FNDC3B: variants seen among roughly 807,000 people sequenced by gnomAD.
The protein encoded by FNDC3B is fibronectin type III domain containing 3B, also known as fibronectin type III domain-containing protein 3B.
A neutral mutation model predicts 151.5 loss-of-function variants in FNDC3B; 12 were observed. The ratio of observed to expected loss-of-function variants is 0.08; its 90% CI spans 0.05 to 0.13. The LOEUF (loss-of-function observed/expected upper bound fraction) is 0.13. Ranked by LOEUF, FNDC3B falls within the 10% of genes least tolerant of loss-of-function variation. The probability of loss-of-function intolerance (pLI) is 1.00; values close to 1 mark genes in which losing one functional copy is unlikely to be tolerated. For missense variants in FNDC3B, 1,214 were observed against 1,505.3 expected (o/e 0.81, Z 3.20); for synonymous variants, 528 against 549.0 (o/e 0.96, Z 0.54).
intron 6 of FNDC3B, among the ~76,000 whole-genome samples, chr3:172,264,877 CTTTAATAA>C (rs1728841182): frequency 6.6e-6 from 1 of 152,190 alleles, no homozygotes; most frequent in Admixed American, 6.5e-5. Context: ...AACTGCCCTT[CTTTAATAA>C]GGGTGCATGG....
At position 172,352,626 on chromosome 3, in the gene FNDC3B, G is replaced by A. The variant is rs988576512; in HGVS notation, c.2515-177G>A. Among the ~76,000 whole-genome samples, 15 of 152,214 alleles carry A rather than the reference G, an allele frequency of 9.9e-5. 1 individual carries two copies. The highest frequency in any genetic ancestry group is 1.6e-4 in the Non-Finnish European group (11 of 68,040). ...ATTTTGCTTTAATAATGGAAAAAAT[G>A]TGGTTAGCATTCTTTGGAAGGTGGT... On this transcript the variant is annotated intron_variant, in intron 21 of 25. Coordinates refer to ENST00000415807, the MANE Select transcript of FNDC3B (RefSeq NM_022763.4). The surrounding 1 kb of genome is among the most constrained non-coding windows in gnomAD (Gnocchi z 4.2).
At chr3:172,214,872 C>T (rs555511820) in intron 3 of FNDC3B, among the ~76,000 whole-genome samples, 2 of 152,314 alleles carry the variant, frequency 1.3e-5, no homozygotes, top group Admixed American at 1.3e-4. Flanking sequence ...ATGGAAGAGC[C>T]AACCCTGAGA....
chr3:172,079,568 T>C (rs1718181399), intron 1 of FNDC3B, among the ~76,000 whole-genome samples: 1 of 152,242 alleles, frequency 6.6e-6, no homozygotes, highest in Non-Finnish European at 1.5e-5. Flanking sequence ...CTGGCTGTTG[T>C]TGAGGTCTTA....
chr3:172,270,471 A>G (rs936157120), intron 6 of FNDC3B, among the ~76,000 whole-genome samples: 2 of 152,184 alleles, frequency 1.3e-5, no homozygotes, highest in African/African-American at 4.8e-5. Flanking sequence ...ATTCTGCCCT[A>G]GTGCCTTTGC....
chr3:172,189,242 T>G (rs1382539658), intron 3 of FNDC3B, among the ~76,000 whole-genome samples: 1 of 152,190 alleles, frequency 6.6e-6, no homozygotes, highest in Non-Finnish European at 1.5e-5. Context: ...AAATGTTCAG[T>G]CAAAATATTG....
chr3:172,330,926 G>A (rs1165141147), intron 13 of FNDC3B, among the ~76,000 whole-genome samples: 1 of 152,072 alleles, frequency 6.6e-6, no homozygotes, highest in Non-Finnish European at 1.5e-5. Flanking sequence ...AAAAACTCTT[G>A]GAGTCATCCT....
chr3:172,276,716 T>A (rs186487885), intron 6 of FNDC3B, among the ~76,000 whole-genome samples: 15 of 152,298 alleles, frequency 9.8e-5, no homozygotes, highest in African/African-American at 3.6e-4. Flanking sequence ...TGTAAACAAT[T>A]CTTCCCCAAA....
intron 3 of FNDC3B, among the ~76,000 whole-genome samples, chr3:172,134,023 G>T (rs897401434): frequency 6.6e-6 from 1 of 152,116 alleles, no homozygotes; most frequent in African/African-American, 2.4e-5. Context: ...CAGGTCATTG[G>T]GGGCCATCTC....
intron 25 of FNDC3B, among the ~76,000 whole-genome samples, chr3:172,388,186 G>A (rs1735817701): frequency 6.6e-6 from 1 of 152,102 alleles, no homozygotes; most frequent in Admixed American, 6.6e-5. Flanking sequence ...AGAGATGAAG[G>A]TAAGCCTCCA....
At chr3:172,251,597 T>A in intron 6 of FNDC3B, 56 bp downstream of exon 6, 1 of 1,472,878 alleles carries the variant, frequency 6.8e-7, no homozygotes, top group Non-Finnish European at 9.2e-7. Flanking sequence ...ACATCTCAAA[T>A]GATGTTTCCA....
At chr3:172,100,217 G>A (rs1044790010) in intron 1 of FNDC3B, among the ~76,000 whole-genome samples, 1 of 152,184 alleles carries the variant, frequency 6.6e-6, no homozygotes, top group East Asian at 1.9e-4. Flanking sequence ...ACAGAAGAGT[G>A]TCTTGCACAG....
At chr3:172,394,106 TAAAAAAAAAA>T (rs60559371) in intron 25 of FNDC3B, among the ~76,000 whole-genome samples, 59 of 16,650 alleles carry the variant, frequency 3.5e-3, no homozygotes, top group African/African-American at 7.4e-3. Flanking sequence ...AGACTCCTTC[TAAAAAAAAAA>T]AAAAAAAAAA....
chr3:172,187,996 GTT>G (rs35110477), intron 3 of FNDC3B, among the ~76,000 whole-genome samples: 2 of 134,648 alleles, frequency 1.5e-5, no homozygotes, highest in Non-Finnish European at 3.1e-5. Flanking sequence ...TATTTAAGCA[GTT>G]TTTTTTTTTT....
intron 6 of FNDC3B, among the ~76,000 whole-genome samples, chr3:172,252,812 G>C (rs1333021405): frequency 6.6e-6 from 1 of 152,090 alleles, no homozygotes; most frequent in Non-Finnish European, 1.5e-5. Flanking sequence ...CAATTATCAC[G>C]TTATTCTTAT....
intron 23 of FNDC3B, among the ~76,000 whole-genome samples, chr3:172,372,802 G>A (rs762412111): frequency 3.3e-5 from 5 of 152,156 alleles, no homozygotes; most frequent in Non-Finnish European, 5.9e-5. Flanking sequence ...AATGCCATAT[G>A]CCAGGCTCTT....
At chr3:172,276,914 C>T (rs952877254) in intron 6 of FNDC3B, among the ~76,000 whole-genome samples, 3 of 152,002 alleles carry the variant, frequency 2.0e-5, no homozygotes, top group Admixed American at 2.0e-4. Context: ...TCGATTGGAT[C>T]CTGAATTAGG....
At chr3:172,057,252 ATCTCTGGG>A (rs979631784) in intron 1 of FNDC3B, among the ~76,000 whole-genome samples, 2 of 152,086 alleles carry the variant, frequency 1.3e-5, no homozygotes, top group African/African-American at 4.8e-5. Flanking sequence ...TCTGCCTTTC[ATCTCTGGG>A]TCACCACTGC....
chr3:172,213,709 C>G (rs963286346), intron 3 of FNDC3B, among the ~76,000 whole-genome samples: 1 of 152,134 alleles, frequency 6.6e-6, no homozygotes, highest in Non-Finnish European at 1.5e-5. Flanking sequence ...AATACGGCCT[C>G]GGTTTTTTAG....
At chr3:172,068,022 G>A (rs1308995338) in intron 1 of FNDC3B, among the ~76,000 whole-genome samples, 1 of 152,154 alleles carries the variant, frequency 6.6e-6, no homozygotes, top group Non-Finnish European at 1.5e-5. Context: ...CTCCACCTCA[G>A]TCACAGGGCG....
Sources: allele counts gnomAD v4.1 joint callset (sites outside exome capture counted in the v4.1 genomes callset), GRCh38; gene constraint gnomAD v4.1.1; non-coding constraint Gnocchi (gnomAD v3.1); transcripts MANE v1.5; gene names NCBI Gene and HGNC (gene_info 2026-07-23, HGNC 2026-07-21).